HHIP: variants seen among roughly 807,000 people sequenced by gnomAD.
HHIP encodes the protein hedgehog-interacting protein.
Under a neutral mutation model 74.0 loss-of-function variants are expected in HHIP, and 12 were observed. The observed-to-expected ratio is 0.16, with a 90% CI of 0.10 to 0.26. The LOEUF is 0.26. Ranked by LOEUF, HHIP falls within the 10% of genes least tolerant of loss-of-function variation. The probability of loss-of-function intolerance (pLI) is 1.00; values close to 1 mark genes in which losing one functional copy is unlikely to be tolerated. For synonymous variants in HHIP, 309 were observed against 311.6 expected, an observed-to-expected ratio of 0.99 and a Z score of 0.09; for missense variants, 788 against 845.0, an observed-to-expected ratio of 0.93 and a Z score of 0.84.
chr4:144,664,793 C>A (rs1222591465), intron 4 of HHIP, among the ~76,000 whole-genome samples: 1 of 152,146 alleles, frequency 6.6e-6, no homozygotes, highest in Non-Finnish European at 1.5e-5. Flanking sequence ...AGAAGAATCA[C>A]CATTGTGGCA....
intron 4 of HHIP, among the ~76,000 whole-genome samples, chr4:144,677,163 C>T (rs6826476): frequency 0.27 from 40,696 of 152,036 alleles, 5,791 homozygotes; most frequent in East Asian, 0.55. Context: ...CTGTGACTGC[C>T]GTTCTTCCCC....
intron 4 of HHIP, among the ~76,000 whole-genome samples, chr4:144,683,442 C>T (rs1729398984): frequency 6.6e-6 from 1 of 152,242 alleles, no homozygotes; most frequent in East Asian, 1.9e-4. Flanking sequence ...AAAGAGTTAA[C>T]AAAAGACCAC....
rs185279581 is a variant in HHIP, at chr4:144,741,173, C to T, written c.*3216C>T. 4.0e-5 allele frequency: 6 copies of T among 151,564 alleles called. No individual in the cohort carries two copies. The highest frequency in any genetic ancestry group is 7.3e-5 in the African/African-American group (3 of 41,334). 9.4% of individuals were successfully genotyped at this position (151,564 alleles called of 1,614,324 possible). A position where few individuals can be genotyped will look rare whatever the true frequency, so the allele number is the denominator to read the frequency against. On this transcript the variant is annotated 3_prime_UTR_variant, in exon 13 of 13. Coordinates refer to ENST00000296575, the MANE Select transcript of HHIP (RefSeq NM_022475.3). ...TTTTTATTTTATCATGAAGAATACT[C>T]GGAAGGTTTCTCAGATTAATGAGTA...
intron 7 of HHIP, among the ~76,000 whole-genome samples, chr4:144,708,618 A>C (rs551652726): frequency 9.2e-5 from 14 of 152,314 alleles, no homozygotes; most frequent in African/African-American, 3.4e-4. Context: ...AATGACCAAG[A>C]CTTTAATCTG....
chr4:144,718,821 A>G, intron 10 of HHIP, 54 bp from the exon 11 acceptor site: 1 of 1,007,802 alleles, frequency 9.9e-7, no homozygotes, highest in Non-Finnish European at 1.6e-6. Flanking sequence ...GGCAATAGGA[A>G]GTAAGGACCT....
chr4:144,733,072 A>G (rs1326116354), intron 11 of HHIP, among the ~76,000 whole-genome samples: 3 of 152,210 alleles, frequency 2.0e-5, no homozygotes, highest in African/African-American at 7.2e-5. Context: ...ATACTCAAGA[A>G]CAAGAAGAAG....
chr4:144,706,079 A>T (rs2126652469), intron 4 of HHIP, among the ~76,000 whole-genome samples: 1 of 152,360 alleles, frequency 6.6e-6, no homozygotes, highest in South Asian at 2.1e-4. Context: ...ACTGTTTTCT[A>T]AACATATTGC....
rs149139999 is a variant in HHIP at position 144,658,886 on chromosome 4, G to A, written c.569G>A (p.Gly190Glu). The A allele has an allele frequency of 3.1e-6, 5 of 1,613,472 alleles. No homozygotes were observed. The highest frequency in any genetic ancestry group is 4.2e-6 in the Non-Finnish European group (5 of 1,179,678). The change falls in exon 3 of 13, where the codon GGA becomes GAA. Residue 190 changes from glycine (G) to glutamate (E), a missense_variant. Physicochemically the swap from Gly to Glu is moderately conservative, Grantham distance 98 (BLOSUM62 -2). Around this residue, in one of 3 missense-constraint regions of HHIP, gnomAD observed 373 missense variants for 366.4 expected, o/e 1.02. Coordinates refer to ENST00000296575, the MANE Select transcript of HHIP (RefSeq NM_022475.3). ...FPDFPRKQVR[G>E]PASNYLDQME... ...GATTTTCCAAGAAAACAAGTCAGAGGACCAGCATCTAACTACTTGGACCAG... is the reference window on the plus strand; with the variant it reads ...GATTTTCCAAGAAAACAAGTCAGAGAACCAGCATCTAACTACTTGGACCAG...
chr4:144,698,447 C>T (rs1011638837), intron 4 of HHIP, among the ~76,000 whole-genome samples: 2 of 152,128 alleles, frequency 1.3e-5, no homozygotes, highest in African/African-American at 4.8e-5. Flanking sequence ...ACATGCTACA[C>T]AGCTTTGCAG....
chr4:144,704,756 C>G (rs1160066254), intron 4 of HHIP, among the ~76,000 whole-genome samples: 2 of 152,206 alleles, frequency 1.3e-5, no homozygotes, highest in Non-Finnish European at 2.9e-5. Flanking sequence ...AGGAATTAAT[C>G]ACAAACGAAA....
At chr4:144,706,953 T>A in intron 5 of HHIP, 134 bp from the exon 6 acceptor site, 1 of 768,302 alleles carries the variant, frequency 1.3e-6, no homozygotes, top group Non-Finnish European at 2.1e-6. Flanking sequence ...TTCTGTTAGC[T>A]CCATTTCAAA....
intron 4 of HHIP, among the ~76,000 whole-genome samples, chr4:144,665,124 G>A (rs185530265): frequency 1.3e-5 from 2 of 152,110 alleles, no homozygotes; most frequent in African/African-American, 2.4e-5. Flanking sequence ...CCAGGCTGCC[G>A]AGTGCAGTGG....
intron 11 of HHIP, among the ~76,000 whole-genome samples, chr4:144,722,754 T>C (rs1021203727): frequency 6.6e-6 from 1 of 152,028 alleles, no homozygotes; most frequent in Non-Finnish European, 1.5e-5. Flanking sequence ...TTCAGGAGGC[T>C]GAAGCAGGAT....
Position 144,708,160 on chromosome 4 carries a change from T to C in HHIP, c.1158-8T>C, listed in dbSNP as rs1377423593. 1 of 1,613,872 alleles carries C rather than the reference T, an allele frequency of 6.2e-7. No homozygotes were observed. Among genetic ancestry groups the C allele is most frequent in the South Asian group, 1.1e-5 (1 of 91,070 alleles). ...GTAAAACACATACTCTGTCCCCCAATTTCTCAGTGATTTCACAGGCTCAGT... is the reference window on the plus strand; with the variant it reads ...GTAAAACACATACTCTGTCCCCCAACTTCTCAGTGATTTCACAGGCTCAGT... On this transcript the variant is annotated splice_polypyrimidine_tract_variant and splice_region_variant and intron_variant, in intron 6 of 12. Coordinates refer to ENST00000296575, the MANE Select transcript of HHIP (RefSeq NM_022475.3).
chr4:144,646,632 C>T lies in HHIP; in HGVS notation c.-44C>T. 1.9e-6 allele frequency: 3 copies of T among 1,585,574 alleles called. No homozygotes were observed. Among genetic ancestry groups the T allele is most frequent in the Non-Finnish European group, 2.6e-6 (3 of 1,163,612 alleles). On this transcript the variant is annotated 5_prime_UTR_variant, in exon 1 of 13. Coordinates refer to ENST00000296575, the MANE Select transcript of HHIP (RefSeq NM_022475.3). Reference sequence around the variant, plus strand: ...GTGCCCCTGCTGGGCAGTGGCGTTCCCCCCCATCCTCCCGCGCCCAGCCCC... The same window carrying T: ...GTGCCCCTGCTGGGCAGTGGCGTTCTCCCCCATCCTCCCGCGCCCAGCCCC...
In HHIP at chr4:144,646,842, T is replaced by C. The variant is rs1310904789; in HGVS notation, c.167T>C (p.Met56Thr). Residue 56 changes from methionine to threonine, a missense_variant, in exon 1 of 13, where the codon ATG becomes ACG. Around this residue, in one of 3 missense-constraint regions of HHIP, gnomAD observed 373 missense variants for 366.4 expected, o/e 1.02. Coordinates refer to ENST00000296575, the MANE Select transcript of HHIP (RefSeq NM_022475.3). The stretch of plus-strand genomic sequence containing the variant: ...CTGAAAAGGAGAGACAGGAGGATGA[T>C]GTCCCAGCTGGAGCTGCTGAGTGGG... ...KRLKRRDRRM[M>T]SQLELLSGGE... The C allele has an allele frequency of 6.2e-7, 1 of 1,614,216 alleles. No individual in the cohort carries two copies. The highest frequency in any genetic ancestry group is 8.5e-7 in the Non-Finnish European group (1 of 1,180,030).
At chr4:144,732,850 G>A (rs901357810) in intron 11 of HHIP, among the ~76,000 whole-genome samples, 4 of 152,124 alleles carry the variant, frequency 2.6e-5, no homozygotes, top group Non-Finnish European at 5.9e-5. Flanking sequence ...GTCAGAAAGT[G>A]GGTGAGCAAG....
intron 7 of HHIP, among the ~76,000 whole-genome samples, chr4:144,710,376 C>T (rs1730259823): frequency 6.6e-6 from 1 of 152,196 alleles, no homozygotes; most frequent in Non-Finnish European, 1.5e-5. Flanking sequence ...AATAAAGGGA[C>T]TGTTGCCACA....
chr4:144,675,426 T>A (rs1400246183), intron 4 of HHIP, among the ~76,000 whole-genome samples: 1 of 152,040 alleles, frequency 6.6e-6, no homozygotes, highest in Non-Finnish European at 1.5e-5. Flanking sequence ...ATAAATACAA[T>A]GAAATTATCA....
Sources: gnomAD v4.1 joint callset for allele counts (sites outside exome capture counted in the v4.1 genomes callset) on GRCh38, gnomAD v4.1.1 for gene constraint, gnomAD v4.1.1 regional missense constraint, MANE v1.5 for transcripts, NCBI Gene and HGNC (gene_info 2026-07-23, HGNC 2026-07-21) for gene names.